ISM2: variants seen among roughly 807,000 people sequenced by gnomAD.
ISM2 encodes isthmin 2.
ISM2 carries 50 observed loss-of-function variants against 58.0 expected under a neutral mutation model. The ratio of observed to expected loss-of-function variants is 0.86; its 90% confidence interval spans 0.69 to 1.09. The LOEUF (loss-of-function observed/expected upper bound fraction) is 1.09, where lower values mean the gene tolerates loss of function less well. Ranked by LOEUF, ISM2 falls within the 50% of genes least tolerant of loss-of-function variation. The pLI is 0.00. For synonymous variants in ISM2, 303 were observed against 312.4 expected, an observed-to-expected ratio of 0.97 and a Z score of 0.32; for missense variants, 723 against 745.0, an observed-to-expected ratio of 0.97 and a Z score of 0.34.
chr14:77,478,843 A>G, intron 4 of ISM2, 128 bp from the exon 5 acceptor site: 8 of 942,158 alleles, frequency 8.5e-6, no homozygotes, highest in Non-Finnish European at 1.3e-5. Flanking sequence ...TCATGAATGA[A>G]GCTGGGCTGG....
At chr14:77,477,987 T>C (rs1322732649) in intron 6 of ISM2, among the ~76,000 whole-genome samples, 1 of 152,260 alleles carries the variant, frequency 6.6e-6, no homozygotes, top group East Asian at 1.9e-4. Flanking sequence ...GAGGATAGGA[T>C]ATGCCCCCAC....
chr14:77,483,213 C>T (rs1298721484), intron 3 of ISM2, among the ~76,000 whole-genome samples: 5 of 152,124 alleles, frequency 3.3e-5, no homozygotes, highest in African/African-American at 1.2e-4. Context: ...ACATGAGGTT[C>T]ACTGAACAAA....
At chr14:77,488,185 T>C (rs905491111) in intron 1 of ISM2, among the ~76,000 whole-genome samples, 1 of 152,220 alleles carries the variant, frequency 6.6e-6, no homozygotes, top group Non-Finnish European at 1.5e-5. Context: ...CTGAGCACAG[T>C]GCCTGATACA....
At chr14:77,498,010 GCTGGACTGTAGACCCCTCAGTGA>G (rs1281895491) in intron 1 of ISM2, among the ~76,000 whole-genome samples, 23 of 152,330 alleles carry the variant, frequency 1.5e-4, no homozygotes, top group Admixed American at 1.2e-3. Flanking sequence ...GGGGCAATAA[GCTGGACTGTAGACCCCTCAGTGA>G]CTGGAAGACA....
intron 4 of ISM2, among the ~76,000 whole-genome samples, chr14:77,480,562 T>C (rs1327335242): frequency 1.4e-5 from 2 of 143,122 alleles, no homozygotes; most frequent in African/African-American, 5.3e-5. Context: ...TTTTTTTTTT[T>C]TTTTTTTTTT....
At chr14:77,491,150 C>G (rs1433552889) in intron 1 of ISM2, among the ~76,000 whole-genome samples, 1 of 152,252 alleles carries the variant, frequency 6.6e-6, no homozygotes, top group Non-Finnish European at 1.5e-5. Flanking sequence ...GGACAATGGA[C>G]CGGGACTGAA....
At chr14:77,491,691 CTT>C (rs777579764) in intron 1 of ISM2, among the ~76,000 whole-genome samples, 7,361 of 104,572 alleles carry the variant, frequency 0.07, 169 homozygotes, top group Admixed American at 0.13. Flanking sequence ...CGCGTCTGGT[CTT>C]TTTTTTTTTT....
chr14:77,493,927 A>G (rs1594955503), intron 1 of ISM2, among the ~76,000 whole-genome samples: 1 of 150,216 alleles, frequency 6.7e-6, no homozygotes. Flanking sequence ...GCTTGCTACC[A>G]TGCCCAGCTA....
chr14:77,480,205 G>A (rs1245366849), intron 4 of ISM2, among the ~76,000 whole-genome samples: 1 of 151,758 alleles, frequency 6.6e-6, no homozygotes, highest in Admixed American at 6.6e-5. Context: ...AGGATCATCT[G>A]AGCCAGGGAG....
chr14:77,495,219 G>T (rs1003242405), intron 1 of ISM2, among the ~76,000 whole-genome samples: 3 of 152,046 alleles, frequency 2.0e-5, no homozygotes, highest in Non-Finnish European at 4.4e-5. Flanking sequence ...AATCATCCGA[G>T]GTGAGTCACA....
chr14:77,475,671 T>A lies in ISM2; in HGVS notation c.1640A>T (p.Asn547Ile), dbSNP rs969461361. The A allele has an allele frequency of 1.2e-6, 2 of 1,613,760 alleles. No individual in the cohort carries two copies. The highest frequency in any genetic ancestry group is 2.7e-5 in the African/African-American group (2 of 74,942). ...WSRLHAVLPP[N>I]NGRACTDNPL... ...GTTGTCGGTGCAGGCTCGGCCGTTG[T>A]TGGGAGGGAGCACAGCGTGGAGGCG... Residue 547 changes from asparagine to isoleucine, a missense_variant, in exon 7 of 7, where the codon AAC becomes ATC. By Grantham distance (149) the Asn-to-Ile change is moderately radical. Transcript: ENST00000342219. The surrounding 1 kb of genome is among the most constrained non-coding windows in gnomAD (Gnocchi z 4.1).
rs564395205 is a variant in ISM2 at position 77,493,521 on chromosome 14, G to C, written c.141+5132C>G. On this transcript the variant is annotated intron_variant, in intron 1 of 6. Coordinates refer to ENST00000342219, the MANE Select transcript of ISM2 (RefSeq NM_199296.3). ...CTGTCACCCAGGCTGGAGTGCAGTGGCACGATCTCAGCACACTGCAACCTC... is the reference window on the plus strand; with the variant it reads ...CTGTCACCCAGGCTGGAGTGCAGTGCCACGATCTCAGCACACTGCAACCTC... 2.0e-5 allele frequency among the ~76,000 whole-genome samples: 3 copies of C among 152,284 alleles called. No individual in the cohort carries two copies. In the South Asian group the frequency reaches 6.2e-4, roughly 32 times the overall value.
intron 1 of ISM2, among the ~76,000 whole-genome samples, chr14:77,493,972 T>C (rs2079223416): frequency 6.6e-6 from 1 of 150,512 alleles, no homozygotes; most frequent in Non-Finnish European, 1.5e-5. Context: ...AGAGATGGGG[T>C]TTCACCGTGT....
intron 3 of ISM2, 37 bp downstream of exon 3, chr14:77,484,286 G>A: frequency 6.3e-7 from 1 of 1,597,834 alleles, no homozygotes; most frequent in East Asian, 2.2e-5. Flanking sequence ...TCCTCTCCGG[G>A]TGTCTGCAGG....
At chr14:77,494,069 T>G (rs907322160) in intron 1 of ISM2, among the ~76,000 whole-genome samples, 16 of 152,144 alleles carry the variant, frequency 1.1e-4, no homozygotes, top group Non-Finnish European at 1.9e-4. Flanking sequence ...GAGCCACCGT[T>G]CCCGGCCCTG....
intron 4 of ISM2, among the ~76,000 whole-genome samples, chr14:77,481,322 AGAGT>A (rs1031587035): frequency 1.3e-4 from 20 of 151,622 alleles, no homozygotes; most frequent in African/African-American, 4.8e-4. Flanking sequence ...CCTGGGCAAC[AGAGT>A]GAGACTCCAC....
chr14:77,497,733 A>AGGAAGGAG (rs1183811097), intron 1 of ISM2, among the ~76,000 whole-genome samples: 36 of 37,824 alleles, frequency 9.5e-4, no homozygotes, highest in African/African-American at 2.3e-3. Flanking sequence ...AAAAGTAGGA[A>AGGAAGGAG]GGAAGGAGGG....
chr14:77,481,970 T>C (rs2079134735), intron 4 of ISM2, among the ~76,000 whole-genome samples: 1 of 151,232 alleles, frequency 6.6e-6, no homozygotes, highest in Non-Finnish European at 1.5e-5. Flanking sequence ...CCTGGTGGTA[T>C]GCACCTGTGG....
In ISM2 at chr14:77,475,305, G is replaced by T. The variant is rs966017080; in HGVS notation, c.*290C>A. On this transcript the variant is annotated 3_prime_UTR_variant, in exon 7 of 7. Transcript: ENST00000342219. The surrounding 1 kb of genome is among the most constrained non-coding windows in gnomAD (Gnocchi z 4.1). ...AGGAGGAGAAAAATGAGTGGCCAGG[G>T]TCCCAGCAGGCAGCAGAGGGAGGCC... is the stretch of plus-strand genomic sequence containing the variant. 2 of 265,440 alleles carry T rather than the reference G, an allele frequency of 7.5e-6. No homozygotes were observed. Among genetic ancestry groups the T allele is most frequent in the Non-Finnish European group, 1.4e-5 (2 of 141,556 alleles). 16.4% of individuals were successfully genotyped at this position (265,440 alleles called of 1,614,324 possible).
Sources: allele counts gnomAD v4.1 joint callset (sites outside exome capture counted in the v4.1 genomes callset), GRCh38; gene constraint gnomAD v4.1.1; non-coding constraint Gnocchi (gnomAD v3.1); transcripts MANE v1.5; gene names NCBI Gene and HGNC (gene_info 2026-07-23, HGNC 2026-07-21).